CDK8: variants seen among roughly 807,000 people sequenced by gnomAD.
The protein encoded by CDK8 is cyclin-dependent kinase 8.
A neutral mutation model predicts 71.5 loss-of-function variants in CDK8; 29 were observed. The ratio of observed to expected loss-of-function variants is 0.41; its 90% CI spans 0.30 to 0.55. The LOEUF (loss-of-function observed/expected upper bound fraction) is 0.55. Ranked by LOEUF, CDK8 falls within the 20% of genes least tolerant of loss-of-function variation. The pLI is 0.37. For missense variants in CDK8, 288 were observed against 572.6 expected (o/e 0.50, Z 5.07); for synonymous variants, 161 against 192.1 (o/e 0.84, Z 1.34).
intron 2 of CDK8, among the ~76,000 whole-genome samples, chr13:26,339,143 A>C (rs1360923654): frequency 6.6e-6 from 1 of 152,074 alleles, no homozygotes; most frequent in East Asian, 1.9e-4. Flanking sequence ...ATGAAGTCTT[A>C]CTAATTTTTC....
At chr13:26,339,445 T>C (rs1873131737) in intron 2 of CDK8, among the ~76,000 whole-genome samples, 1 of 152,134 alleles carries the variant, frequency 6.6e-6, no homozygotes, top group South Asian at 2.1e-4. Flanking sequence ...GTTCTCTCTG[T>C]CTAGCCTTAT....
At chr13:26,343,172 G>A (rs764730878) in intron 2 of CDK8, among the ~76,000 whole-genome samples, 3 of 152,230 alleles carry the variant, frequency 2.0e-5, no homozygotes, top group South Asian at 2.1e-4. Context: ...ATTATTAGGC[G>A]ATCTCATTGT....
At chr13:26,343,395 G>A (rs950813050) in intron 2 of CDK8, among the ~76,000 whole-genome samples, 1 of 152,056 alleles carries the variant, frequency 6.6e-6, no homozygotes, top group Non-Finnish European at 1.5e-5. Context: ...CATAGAAAAG[G>A]TACAGTAAAA....
chr13:26,339,823 T>G (rs1264866571), intron 2 of CDK8, among the ~76,000 whole-genome samples: 1 of 148,984 alleles, frequency 6.7e-6, no homozygotes, highest in Non-Finnish European at 1.5e-5. Context: ...AGGTTTTTGG[T>G]GATTGCTTGG....
intron 2 of CDK8, among the ~76,000 whole-genome samples, chr13:26,345,480 C>T (rs1873425495): frequency 2.0e-5 from 3 of 152,170 alleles, no homozygotes; most frequent in Non-Finnish European, 4.4e-5. Context: ...CTCCCAGGCT[C>T]AAGCGATTCT....
intron 1 of CDK8, among the ~76,000 whole-genome samples, chr13:26,271,191 G>A (rs1309119662): frequency 6.6e-6 from 1 of 152,128 alleles, no homozygotes; most frequent in East Asian, 1.9e-4. Context: ...GGAGTTCTTT[G>A]TATATTCTGG....
chr13:26,355,427 A>G (rs1873851809), intron 4 of CDK8, among the ~76,000 whole-genome samples: 1 of 151,578 alleles, frequency 6.6e-6, no homozygotes, highest in African/African-American at 2.4e-5. Flanking sequence ...CAGGCTGGCC[A>G]AGATGGTGAA....
chr13:26,288,135 TG>T (rs1386925993), intron 1 of CDK8, among the ~76,000 whole-genome samples: 12 of 152,106 alleles, frequency 7.9e-5, no homozygotes, highest in African/African-American at 2.9e-4. Flanking sequence ...GCTAATTTTT[TG>T]TATTTTTAGT....
intron 1 of CDK8, among the ~76,000 whole-genome samples, chr13:26,318,668 A>C (rs1415502151): frequency 1.3e-5 from 2 of 152,240 alleles, no homozygotes; most frequent in East Asian, 3.8e-4. Flanking sequence ...GTGAAAATAA[A>C]TTGTTGTAAT....
At chr13:26,381,354 G>T (rs1347649338) in intron 4 of CDK8, among the ~76,000 whole-genome samples, 2 of 152,138 alleles carry the variant, frequency 1.3e-5, no homozygotes, top group Admixed American at 6.5e-5. Context: ...AACCAGTCTT[G>T]ATTGATTACC....
chr13:26,276,729 A>G (rs1262324927), intron 1 of CDK8, among the ~76,000 whole-genome samples: 1 of 152,184 alleles, frequency 6.6e-6, no homozygotes, highest in Non-Finnish European at 1.5e-5. Context: ...TTCTGCTGTA[A>G]TATCATGTTT....
intron 1 of CDK8, among the ~76,000 whole-genome samples, chr13:26,322,142 A>G (rs1342288481): frequency 6.6e-6 from 1 of 152,166 alleles, no homozygotes; most frequent in East Asian, 1.9e-4. Flanking sequence ...GTTAGTGGCA[A>G]TGATGTTTTT....
chr13:26,289,497 A>C (rs886106649), intron 1 of CDK8, among the ~76,000 whole-genome samples: 9 of 152,128 alleles, frequency 5.9e-5, no homozygotes, highest in Admixed American at 5.2e-4. Context: ...TAGTATTTGA[A>C]GGATACAGTT....
At chr13:26,400,422 A>T in intron 9 of CDK8, 31 bp from the exon 10 acceptor site, 1 of 1,287,204 alleles carries the variant, frequency 7.8e-7, no homozygotes. Context: ...GAGAAGCAAT[A>T]CCGTCATGTT....
At chr13:26,281,089 C>T (rs954521136) in intron 1 of CDK8, among the ~76,000 whole-genome samples, 1 of 152,216 alleles carries the variant, frequency 6.6e-6, no homozygotes, top group Non-Finnish European at 1.5e-5. Context: ...TAGGAGAAAA[C>T]AATAGCTAAT....
intron 1 of CDK8, among the ~76,000 whole-genome samples, chr13:26,320,065 T>C (rs1380282724): frequency 1.3e-5 from 2 of 152,034 alleles, no homozygotes; most frequent in Non-Finnish European, 2.9e-5. Flanking sequence ...ATACAAAAAT[T>C]ACCTTAAAAT....
intron 2 of CDK8, among the ~76,000 whole-genome samples, chr13:26,343,908 A>G (rs1054778046): frequency 2.6e-5 from 4 of 151,480 alleles, no homozygotes; most frequent in African/African-American, 9.7e-5. Context: ...TACTTTTTCA[A>G]CTTTTAGGTT....
chr13:26,307,696 T>TA (rs2137925756), intron 1 of CDK8, among the ~76,000 whole-genome samples: 1 of 152,168 alleles, frequency 6.6e-6, no homozygotes, highest in East Asian at 1.9e-4. Flanking sequence ...ACCCTAGAAA[T>TA]AACCAACATG....
chr13:26,254,894 G>GCTC lies in CDK8; in HGVS notation c.128+127_128+129dup. 2 of 1,356,444 alleles carry GCTC rather than the reference G, an allele frequency of 1.5e-6. No homozygotes were observed. The highest frequency in any genetic ancestry group is 2.8e-5 in the South Asian group (2 of 72,020). The allele number at this position is 1,356,444 out of a possible 1,614,324, so 84.0% of individuals were successfully genotyped here. A position where few individuals can be genotyped will look rare whatever the true frequency, so the allele number is the denominator to read the frequency against. ...CTGACTTCCTCGACGCCGGCCTCTG[G>GCTC]CTCCGCCAGCCAGGTTTGGGGAGGA... On this transcript the variant is annotated intron_variant, in intron 1 of 12. Coordinates refer to ENST00000381527, the MANE Select transcript of CDK8 (RefSeq NM_001260.3). This position sits in a 1 kb window ranked among gnomAD's most constrained non-coding sequence, Gnocchi z 6.7.
Sources: gnomAD v4.1 joint callset for allele counts (sites outside exome capture counted in the v4.1 genomes callset) on GRCh38, gnomAD v4.1.1 for gene constraint, Gnocchi (gnomAD v3.1) non-coding constraint, MANE v1.5 for transcripts, NCBI Gene and HGNC (gene_info 2026-07-23, HGNC 2026-07-21) for gene names.